GAP43: variants seen among roughly 807,000 people sequenced by gnomAD.
GAP43 encodes neuromodulin.
Under a neutral mutation model 18.6 loss-of-function variants are expected in GAP43, and 6 were observed. That is an observed-to-expected ratio of 0.32 (90% CI 0.18 to 0.64). The LOEUF is 0.64. Ranked by LOEUF, GAP43 falls within the 30% of genes least tolerant of loss-of-function variation. GAP43 has a pLI of 0.78. For missense variants in GAP43, 292 were observed against 295.5 expected (o/e 0.99, Z 0.09); for synonymous variants, 115 against 111.4 (o/e 1.03, Z -0.20).
At chr3:115,698,287 A>AATATATATATAATATATAAATATAAT (rs370131673) in intron 2 of GAP43, among the ~76,000 whole-genome samples, 1 of 37,858 alleles carries the variant, frequency 2.6e-5, no homozygotes, top group Non-Finnish European at 5.0e-5. Flanking sequence ...ATATAAATAT[A>AATATATATATAATATATAAATATAAT]ATATATATAT....
chr3:115,693,224 C>T (rs376952382), intron 2 of GAP43, among the ~76,000 whole-genome samples: 1 of 152,226 alleles, frequency 6.6e-6, no homozygotes, highest in Non-Finnish European at 1.5e-5. Context: ...CCAGGCCTCC[C>T]TCTCAGGTGT....
chr3:115,716,717 AATATATATATATATATATATATATAT>A (rs3995850), intron 2 of GAP43, among the ~76,000 whole-genome samples: 1,847 of 43,936 alleles, frequency 0.042, 86 homozygotes, highest in African/African-American at 0.13. Context: ...ATCTCAGACA[AATATATATATATATATATATATATAT>A]ATATATATAT....
intron 2 of GAP43, among the ~76,000 whole-genome samples, chr3:115,682,447 AC>A (rs999985989): frequency 1.2e-4 from 18 of 152,038 alleles, no homozygotes; most frequent in Non-Finnish European, 7.4e-5. Context: ...GCTTAGGTCT[AC>A]CCCCCTTTGG....
At position 115,676,595 on chromosome 3, in the gene GAP43, G is replaced by C. The variant is rs547875558; in HGVS notation, c.613G>C (p.Ala205Pro). The C allele has an allele frequency of 9.4e-6, 15 of 1,603,608 alleles. No homozygotes were observed. Among genetic ancestry groups the C allele is most frequent in the Non-Finnish European group, 1.2e-5 (14 of 1,177,134 alleles). The part of the protein sequence containing the change: ...PPTETGESSQ[A>P]EENIEAVDET... ...AACGGAGACTGGGGAGAGCAGCCAA[G>C]CTGAAGAGAACATAGGTGAGCAACC... Residue 205 changes from alanine to proline, a missense_variant, in exon 2 of 3, where the codon GCT (alanine) becomes CCT (proline). Transcript: ENST00000305124.
intron 2 of GAP43, among the ~76,000 whole-genome samples, chr3:115,702,569 A>G (rs1280359024): frequency 6.6e-6 from 1 of 152,162 alleles, no homozygotes; most frequent in African/African-American, 2.4e-5. Flanking sequence ...GATTTTACTT[A>G]ATCTGTTGCA....
intron 2 of GAP43, among the ~76,000 whole-genome samples, chr3:115,706,006 C>T (rs1267218003): frequency 6.6e-6 from 1 of 152,088 alleles, no homozygotes; most frequent in African/African-American, 2.4e-5. Context: ...CATTCTGATT[C>T]CTTATTCTTC....
chr3:115,623,516 G>A lies in GAP43; in HGVS notation c.-174G>A, dbSNP rs1708139913. 1.5e-6 allele frequency: 1 copy of A among 680,064 alleles called. No individual in the cohort carries two copies. Among genetic ancestry groups the A allele is most frequent in the Non-Finnish European group, 2.6e-6 (1 of 389,912 alleles). The allele number at this position is 680,064 out of a possible 1,614,324, so 42.1% of individuals were successfully genotyped here. A position where few individuals can be genotyped will look rare whatever the true frequency, so the allele number is the denominator to read the frequency against. On this transcript the variant is annotated 5_prime_UTR_variant, in exon 1 of 3. Coordinates refer to ENST00000305124, the MANE Select transcript of GAP43 (RefSeq NM_002045.4). ...AGCAATAGCTGTGGACCTTACAGTT[G>A]CTGCTAACTGCCCTGGTGTGTGTGA... is the stretch of plus-strand genomic sequence containing the variant.
rs1246645364 is a variant in GAP43, at chr3:115,698,086, ATG to A, written c.628+21478_628+21479del. ...ATATATTATATATAATATATAAAAT[ATG>A]TATTATATATAATATATAAAATATA... On this transcript the variant is annotated intron_variant, in intron 2 of 2. Coordinates refer to ENST00000305124, the MANE Select transcript of GAP43 (RefSeq NM_002045.4). Among the ~76,000 whole-genome samples, 36 of 55,754 alleles carry A rather than the reference ATG, an allele frequency of 6.5e-4. 1 individual carries two copies. Among genetic ancestry groups the A allele is most frequent in the African/African-American group, 1.9e-3 (24 of 12,676 alleles). The allele number at this position is 55,754 out of a possible 152,430, so 36.6% of individuals were successfully genotyped here.
intron 2 of GAP43, among the ~76,000 whole-genome samples, chr3:115,691,087 A>G (rs953276613): frequency 2.6e-5 from 4 of 152,324 alleles, no homozygotes; most frequent in African/African-American, 9.6e-5. Flanking sequence ...TGAAGATGGT[A>G]AAAGCATGGA....
intron 1 of GAP43, among the ~76,000 whole-genome samples, chr3:115,664,411 G>A (rs1355534990): frequency 6.6e-6 from 1 of 151,940 alleles, no homozygotes; most frequent in Non-Finnish European, 1.5e-5. Flanking sequence ...TACTTCATTT[G>A]TATTGTCTTC....
chr3:115,673,674 T>G (rs1325157682), intron 1 of GAP43, among the ~76,000 whole-genome samples: 2 of 152,214 alleles, frequency 1.3e-5, no homozygotes, highest in Non-Finnish European at 2.9e-5. Flanking sequence ...AGAGAACTCC[T>G]GGCAGGGACA....
intron 2 of GAP43, among the ~76,000 whole-genome samples, chr3:115,690,053 T>C (rs1205224903): frequency 6.6e-6 from 1 of 152,276 alleles, no homozygotes; most frequent in African/African-American, 2.4e-5. Flanking sequence ...AAGGCCAATT[T>C]ACCTTCCTTG....
In GAP43 at chr3:115,644,712, T is replaced by A. The variant is rs1708436938; in HGVS notation, c.30+20993T>A. 6.6e-6 allele frequency among the ~76,000 whole-genome samples: 1 copy of A among 152,058 alleles called. No homozygotes were observed. Among genetic ancestry groups the A allele is most frequent in the Non-Finnish European group, 1.5e-5 (1 of 67,978 alleles). ...AAATAGAGAAATTTTTAAAAATGAA[T>A]CTCTGAAAACATTCCAGAAGAAAAT... On this transcript the variant is annotated intron_variant, in intron 1 of 2. Transcript: ENST00000305124. The surrounding 1 kb of genome is among the most constrained non-coding windows in gnomAD (Gnocchi z 4.2).
At chr3:115,705,496 C>G (rs1709350957) in intron 2 of GAP43, among the ~76,000 whole-genome samples, 1 of 152,096 alleles carries the variant, frequency 6.6e-6, no homozygotes, top group Non-Finnish European at 1.5e-5. Context: ...ATCAGTATAA[C>G]TGAAAGATAG....
chr3:115,690,601 A>G (rs1013599058), intron 2 of GAP43, among the ~76,000 whole-genome samples: 6 of 152,122 alleles, frequency 3.9e-5, no homozygotes, highest in Admixed American at 2.6e-4. Flanking sequence ...ATGAGGTAAC[A>G]TATTTAAAGA....
At chr3:115,665,894 T>C (rs1054430006) in intron 1 of GAP43, among the ~76,000 whole-genome samples, 3 of 152,088 alleles carry the variant, frequency 2.0e-5, no homozygotes, top group African/African-American at 7.2e-5. Flanking sequence ...ATAGAGTAGC[T>C]CTCAGAACCT....
At chr3:115,715,847 T>C (rs1387231581) in intron 2 of GAP43, among the ~76,000 whole-genome samples, 1 of 152,196 alleles carries the variant, frequency 6.6e-6, no homozygotes, top group Non-Finnish European at 1.5e-5. Flanking sequence ...TTACCCATTC[T>C]TTTTGGGCAA....
chr3:115,652,266 C>T (rs540889041), intron 1 of GAP43, among the ~76,000 whole-genome samples: 2 of 149,864 alleles, frequency 1.3e-5, no homozygotes, highest in African/African-American at 4.9e-5. Flanking sequence ...TTTGTTGTTA[C>T]CATATTTAAA....
chr3:115,707,897 A>G (rs1339440440), intron 2 of GAP43, among the ~76,000 whole-genome samples: 1 of 152,054 alleles, frequency 6.6e-6, no homozygotes, highest in Non-Finnish European at 1.5e-5. Flanking sequence ...ACATTATAGG[A>G]CCACAGGTTT....
Sources: allele counts gnomAD v4.1 joint callset (sites outside exome capture counted in the v4.1 genomes callset), GRCh38; gene constraint gnomAD v4.1.1; non-coding constraint Gnocchi (gnomAD v3.1); transcripts MANE v1.5; gene names NCBI Gene and HGNC (gene_info 2026-07-23, HGNC 2026-07-21).